Variants in CFLAR observed in about 807,000 individuals in gnomAD.
CFLAR encodes the protein CASP8 and FADD like apoptosis regulator, also known as CASP8 and FADD-like apoptosis regulator.
CFLAR carries 14 observed loss-of-function variants against 51.1 expected under a neutral mutation model. The observed-to-expected ratio is 0.27, with a 90% CI of 0.18 to 0.43. CFLAR has a LOEUF of 0.43. Among genes scored for constraint, CFLAR ranks in the 20% least tolerant of loss-of-function variants. The pLI is 1.00. For missense variants in CFLAR, 390 were observed against 566.5 expected (o/e 0.69, Z 3.16); for synonymous variants, 210 against 211.6 (o/e 0.99, Z 0.06).
chr2:201,170,437 T>C lies in CFLAR; in HGVS notation c.*6464T>C, dbSNP rs1386729584. The C allele has an allele frequency of 1.3e-5, 2 of 152,214 alleles. No individual in the cohort carries two copies. Among genetic ancestry groups the C allele is most frequent in the African/African-American group, 2.4e-5 (1 of 41,472 alleles). 9.4% of individuals were successfully genotyped at this position (152,214 alleles called of 1,614,324 possible). A position where few individuals can be genotyped will look rare whatever the true frequency, so the allele number is the denominator to read the frequency against. On this transcript the variant is annotated 3_prime_UTR_variant, in exon 10 of 10. Coordinates refer to ENST00000309955, the MANE Select transcript of CFLAR (RefSeq NM_003879.7). Reference sequence around the variant, plus strand: ...AACAAGAGGAATTCCAAGAATGTCATAAATGGATGTTTCTCCATGGATGAA... The same window carrying C: ...AACAAGAGGAATTCCAAGAATGTCACAAATGGATGTTTCTCCATGGATGAA...
intron 9 of CFLAR, chr2:201,163,429 AG>A: frequency 1.8e-6 from 2 of 1,114,136 alleles, no homozygotes; most frequent in South Asian, 5.3e-5. Context: ...TGCGTACCCC[AG>A]GAATAAATCT....
chr2:201,123,491 T>A (rs1000834023), intron 1 of CFLAR, among the ~76,000 whole-genome samples: 5 of 152,114 alleles, frequency 3.3e-5, no homozygotes, highest in African/African-American at 1.2e-4. Flanking sequence ...TGTCTTAACA[T>A]GGCAAAAGGT....
intron 6 of CFLAR, among the ~76,000 whole-genome samples, chr2:201,147,093 T>C (rs1940337514): frequency 1.3e-5 from 2 of 152,216 alleles, no homozygotes; most frequent in African/African-American, 4.8e-5. Flanking sequence ...TGGTGTTCTT[T>C]CCATTTGCTC....
chr2:201,122,607 A>G (rs1048682939), intron 1 of CFLAR: 10 of 152,180 alleles, frequency 6.6e-5, no homozygotes, highest in African/African-American at 2.2e-4. Context: ...ACAGTACTCA[A>G]CTGAGTCTCA....
At chr2:201,159,061 A>G (rs1416266983) in intron 8 of CFLAR, among the ~76,000 whole-genome samples, 2 of 151,658 alleles carry the variant, frequency 1.3e-5, no homozygotes, top group Admixed American at 6.6e-5. Flanking sequence ...TATTTTTAGT[A>G]GAGACGGGGT....
intron 7 of CFLAR, 77 bp downstream of exon 7, chr2:201,149,129 C>A: frequency 4.1e-6 from 4 of 964,110 alleles, no homozygotes; most frequent in Non-Finnish European, 6.6e-6. Context: ...AAATACCTGT[C>A]CATTAAGAAT....
At position 201,129,964 on chromosome 2, in the gene CFLAR, T is replaced by G; in HGVS notation, c.99T>G (p.Val33=). ...GCCGGGATGTTGCTATAGATGTGGT[T>G]CCACCTAATGTCAGGGACCTTCTGG... The part of the protein sequence containing the change: ...FLCRDVAIDV[V]PPNVRDLLDI... Residue 33 remains valine (V), a synonymous_variant, in exon 2 of 10, where the codon GTT becomes GTG. Coordinates refer to ENST00000309955, the MANE Select transcript of CFLAR (RefSeq NM_003879.7). The G allele has an allele frequency of 8.1e-6, 13 of 1,614,162 alleles. No individual in the cohort carries two copies. The highest frequency in any genetic ancestry group is 1.1e-5 in the Non-Finnish European group (13 of 1,180,026).
At position 201,160,475 on chromosome 2, in the gene CFLAR, G is replaced by A. The variant is rs1162613252; in HGVS notation, c.837G>A (p.Gln279=). 1.2e-6 allele frequency: 2 copies of A among 1,613,882 alleles called. No homozygotes were observed. Among genetic ancestry groups the A allele is most frequent in the Non-Finnish European group, 1.7e-6 (2 of 1,180,018 alleles). Residue 279 remains glutamine (Q), a synonymous_variant, in exon 9 of 10, where the codon CAG becomes CAA. Coordinates refer to ENST00000309955, the MANE Select transcript of CFLAR (RefSeq NM_003879.7). ...DTFTSLGYEV[Q]KFLHLSMHGI... is the part of the protein sequence containing the mutation. The stretch of plus-strand genomic sequence containing the variant: ...TCACTTCCCTGGGCTATGAAGTCCA[G>A]AAATTCTTGCATCTCAGTATGCATG...
At chr2:201,136,293 C>T in intron 4 of CFLAR, 186 bp downstream of exon 4, 2 of 1,599,468 alleles carry the variant, frequency 1.3e-6, no homozygotes, top group Non-Finnish European at 1.7e-6. Context: ...TCTGCCAACT[C>T]CATTGCCCTG....
At chr2:201,127,237 C>T (rs2048794893) in intron 1 of CFLAR, among the ~76,000 whole-genome samples, 1 of 152,188 alleles carries the variant, frequency 6.6e-6, no homozygotes, top group Admixed American at 6.5e-5. Flanking sequence ...TATTCCTTTG[C>T]CCCTTCATCT....
rs371996731 is a variant in CFLAR at position 201,160,391 on chromosome 2, C to T, written c.794-41C>T. 1.9e-6 allele frequency: 3 copies of T among 1,590,240 alleles called. No homozygotes were observed. In the African/African-American group the frequency reaches 4.0e-5, roughly 21 times the overall value. On this transcript the variant is annotated intron_variant, in intron 8 of 9. Coordinates refer to ENST00000309955, the MANE Select transcript of CFLAR (RefSeq NM_003879.7). Reference sequence around the variant, plus strand: ...ACCCAGTCCTCTTGAGCTCTCCTCACTCCAGTGTTGTTTTCCGTGTTTGTT... The same window carrying T: ...ACCCAGTCCTCTTGAGCTCTCCTCATTCCAGTGTTGTTTTCCGTGTTTGTT...
intron 1 of CFLAR, among the ~76,000 whole-genome samples, chr2:201,123,934 A>G (rs1377743292): frequency 1.3e-5 from 2 of 152,222 alleles, no homozygotes; most frequent in African/African-American, 4.8e-5. Context: ...CTGAAAGTTC[A>G]GGTTTGCATG....
chr2:201,140,261 A>T, intron 4 of CFLAR, 96 bp from the exon 5 acceptor site: 1 of 1,481,566 alleles, frequency 6.7e-7, no homozygotes, highest in Non-Finnish European at 9.1e-7. Context: ...GGGTATTTTG[A>T]AAGATGGTGA....
chr2:201,150,559 T>C (rs970396913), intron 8 of CFLAR: 2 of 152,238 alleles, frequency 1.3e-5, no homozygotes, highest in African/African-American at 4.8e-5. Context: ...CTCATTCATG[T>C]CACAGGCTAG....
At chr2:201,130,569 T>C (rs1159488907) in intron 2 of CFLAR, among the ~76,000 whole-genome samples, 1 of 151,984 alleles carries the variant, frequency 6.6e-6, no homozygotes, top group Non-Finnish European at 1.5e-5. Context: ...TTTCACCATG[T>C]TGGCCAGGCT....
At chr2:201,162,966 T>A (rs1943210606) in intron 9 of CFLAR, 1 of 717,630 alleles carries the variant, frequency 1.4e-6, no homozygotes, top group Non-Finnish European at 2.5e-6. Context: ...TGTAACTTAG[T>A]ATTTGTTCTT....
At position 201,174,079 on chromosome 2, in the gene CFLAR, C is replaced by G. The variant is rs1944129840; in HGVS notation, c.*10106C>G. On this transcript the variant is annotated 3_prime_UTR_variant, in exon 10 of 10. Coordinates refer to ENST00000309955, the MANE Select transcript of CFLAR (RefSeq NM_003879.7). ...TATATTCTCCCATTCCATGGATTGTCTTCTCACTTTCTGGATACTATACAG... is the reference window on the plus strand; with the variant it reads ...TATATTCTCCCATTCCATGGATTGTGTTCTCACTTTCTGGATACTATACAG... The G allele has an allele frequency of 6.6e-6, 1 of 152,196 alleles. No homozygotes were observed. Among genetic ancestry groups the G allele is most frequent in the African/African-American group, 2.4e-5 (1 of 41,448 alleles). The allele number at this position is 152,196 out of a possible 1,614,324, so 9.4% of individuals were successfully genotyped here. A position where few individuals can be genotyped will look rare whatever the true frequency, so the allele number is the denominator to read the frequency against.
In CFLAR at chr2:201,168,877, G is replaced by C. The variant is rs1431859371; in HGVS notation, c.*4904G>C. 2 of 152,046 alleles carry C rather than the reference G, an allele frequency of 1.3e-5. No homozygotes were observed. Among genetic ancestry groups the C allele is most frequent in the Non-Finnish European group, 2.9e-5 (2 of 68,012 alleles). The allele number at this position is 152,046 out of a possible 1,614,324, so 9.4% of individuals were successfully genotyped here. ...AACTCCCATTCACAGTTGCTAGAAA[G>C]AGAATAAAATACCTAGGAATACAGC... On this transcript the variant is annotated 3_prime_UTR_variant, in exon 10 of 10. Coordinates refer to ENST00000309955, the MANE Select transcript of CFLAR (RefSeq NM_003879.7).
At chr2:201,123,631 T>C (rs1025399294) in intron 1 of CFLAR, among the ~76,000 whole-genome samples, 10 of 152,334 alleles carry the variant, frequency 6.6e-5, no homozygotes, top group Admixed American at 2.0e-4. Flanking sequence ...TCCTATCATA[T>C]TGGCAATACC....
Sources: gnomAD v4.1 joint callset for allele counts (sites outside exome capture counted in the v4.1 genomes callset) on GRCh38, gnomAD v4.1.1 for gene constraint, MANE v1.5 for transcripts, NCBI Gene and HGNC (gene_info 2026-07-23, HGNC 2026-07-21) for gene names.